The following NRTN variants were observed in gnomAD, a reference collection of about 807,000 sequenced individuals.
NRTN encodes the protein prepro-neurturin.
A neutral mutation model predicts 7.5 loss-of-function variants in NRTN; 3 were observed. That is an observed-to-expected ratio of 0.40 (90% confidence interval 0.18 to 1.03). The LOEUF (loss-of-function observed/expected upper bound fraction) is 1.03. Among genes scored for constraint, NRTN ranks in the 50% least tolerant of loss-of-function variants. The probability of loss-of-function intolerance (pLI) is 0.34; values close to 1 mark genes in which losing one functional copy is unlikely to be tolerated. For synonymous variants in NRTN, 157 were observed against 146.6 expected, an observed-to-expected ratio of 1.07 and a Z score of -0.51; for missense variants, 310 against 307.0, an observed-to-expected ratio of 1.01 and a Z score of -0.07.
At chr19:5,814,862 C>T (rs902313175) in intron 1 of NRTN, among the ~76,000 whole-genome samples, 3 of 152,252 alleles carry the variant, frequency 2.0e-5, no homozygotes, top group Non-Finnish European at 2.9e-5. Context: ...CTCCCAGCCC[C>T]TCCAGGAAGG....
intron 1 of NRTN, among the ~76,000 whole-genome samples, chr19:5,805,997 C>T (rs1342341604): frequency 3.9e-5 from 6 of 152,158 alleles, no homozygotes; most frequent in Admixed American, 1.3e-4. Context: ...GCCCTCTCGG[C>T]TCCTGGAGCA....
At chr19:5,817,311 G>A (rs1450680640) in intron 1 of NRTN, among the ~76,000 whole-genome samples, 1 of 151,734 alleles carries the variant, frequency 6.6e-6, no homozygotes. Flanking sequence ...CCGAGGTTGC[G>A]CCACTGCACT....
intron 1 of NRTN, among the ~76,000 whole-genome samples, chr19:5,817,462 AAAG>A (rs2057008577): frequency 1.6e-5 from 1 of 63,118 alleles, no homozygotes; most frequent in African/African-American, 6.4e-5. Flanking sequence ...GGAAAGAGAG[AAAG>A]AGAGGAAGGA....
chr19:5,805,088 C>T lies in NRTN; in HGVS notation c.-762C>T, dbSNP rs2056970883. The stretch of plus-strand genomic sequence containing the variant: ...GGGCGGAGGCGGCGGGAGAGCGCGC[C>T]CTGAAGCCGCTCCGAGTGCCCAGGT... On this transcript the variant is annotated 5_prime_UTR_variant, in exon 1 of 3. Transcript: ENST00000303212. Among the ~76,000 whole-genome samples the T allele has an allele frequency of 6.8e-6, 1 of 146,680 alleles. No homozygotes were observed. The highest frequency in any genetic ancestry group is 2.4e-5 in the African/African-American group (1 of 40,828).
At chr19:5,821,067 G>A (rs921580789) in intron 1 of NRTN, among the ~76,000 whole-genome samples, 4 of 152,142 alleles carry the variant, frequency 2.6e-5, no homozygotes, top group Non-Finnish European at 5.9e-5. Flanking sequence ...TCACACTTGG[G>A]TCTTAGTGCA....
chr19:5,818,294 G>T (rs2057012490), intron 1 of NRTN, among the ~76,000 whole-genome samples: 1 of 152,170 alleles, frequency 6.6e-6, no homozygotes, highest in Non-Finnish European at 1.5e-5. Flanking sequence ...ACGCAAGTGT[G>T]CTCGAGTGAG....
At chr19:5,826,772 T>C (rs957188538) in intron 2 of NRTN, among the ~76,000 whole-genome samples, 1 of 152,090 alleles carries the variant, frequency 6.6e-6, no homozygotes, top group Non-Finnish European at 1.5e-5. Flanking sequence ...GAGCCACCGC[T>C]TGGGTAATAA....
chr19:5,813,093 G>A (rs1164030003), intron 1 of NRTN, among the ~76,000 whole-genome samples: 1 of 152,174 alleles, frequency 6.6e-6, no homozygotes, highest in African/African-American at 2.4e-5. Context: ...GAAGATGGGA[G>A]GCCAGGCATG....
rs2056976474 is a variant in NRTN at position 5,806,814 on chromosome 19, C to A, written c.-399+1363C>A. ...CCTCGGCGTTTCAGGTCCCAGTTTT[C>A]AGGGAGCGAACAGAGGAGACAGCTT... On this transcript the variant is annotated intron_variant, in intron 1 of 2. Transcript: ENST00000303212. This position sits in a 1 kb window ranked among gnomAD's most constrained non-coding sequence, Gnocchi z 5.4. 6.6e-6 allele frequency among the ~76,000 whole-genome samples: 1 copy of A among 152,206 alleles called. No homozygotes were observed. Among genetic ancestry groups the A allele is most frequent in the Non-Finnish European group, 1.5e-5 (1 of 68,042 alleles).
In NRTN at chr19:5,805,240, C is replaced by A. The variant is rs1482907849; in HGVS notation, c.-610C>A. Among the ~76,000 whole-genome samples, 1 of 146,104 alleles carries A rather than the reference C, an allele frequency of 6.8e-6. No individual in the cohort carries two copies. The highest frequency in any genetic ancestry group is 2.1e-4 in the South Asian group (1 of 4,802). On this transcript the variant is annotated 5_prime_UTR_variant, in exon 1 of 3. Transcript: ENST00000303212. ...GGCACCCACCCCCAGCCCCAGCCCCCGCCGGCCCGGGATGGCCGCAGCCCG... is the reference window on the plus strand; with the variant it reads ...GGCACCCACCCCCAGCCCCAGCCCCAGCCGGCCCGGGATGGCCGCAGCCCG...
At chr19:5,818,349 G>A (rs967505794) in intron 1 of NRTN, among the ~76,000 whole-genome samples, 2 of 151,878 alleles carry the variant, frequency 1.3e-5, no homozygotes, top group Admixed American at 1.3e-4. Flanking sequence ...CAGTGTGTGA[G>A]TGTGTGAGTG....
At position 5,806,663 on chromosome 19, in the gene NRTN, A is replaced by T. The variant is rs755735133; in HGVS notation, c.-399+1212A>T. 1.3e-5 allele frequency among the ~76,000 whole-genome samples: 2 copies of T among 151,984 alleles called. No homozygotes were observed. Among genetic ancestry groups the T allele is most frequent in the Admixed American group, 6.6e-5 (1 of 15,248 alleles). ...TCATCCTAAGACTCCCGAGGTTCAT[A>T]GCTCCGGCACCGACTCCACCCCCAG... On this transcript the variant is annotated intron_variant, in intron 1 of 2. Transcript: ENST00000303212. The surrounding 1 kb of genome is among the most constrained non-coding windows in gnomAD (Gnocchi z 5.4).
At chr19:5,813,155 G>T (rs1310519890) in intron 1 of NRTN, among the ~76,000 whole-genome samples, 1 of 151,274 alleles carries the variant, frequency 6.6e-6, no homozygotes, top group Non-Finnish European at 1.5e-5. Flanking sequence ...AGGGAGGATC[G>T]CTTGAGGCCA....
intron 1 of NRTN, among the ~76,000 whole-genome samples, chr19:5,815,342 C>T (rs1250209212): frequency 6.7e-6 from 1 of 148,488 alleles, no homozygotes; most frequent in Non-Finnish European, 1.5e-5. Context: ...TGGGGTTGTT[C>T]AAGTGTGTGT....
chr19:5,816,148 G>A (rs930915031), intron 1 of NRTN, among the ~76,000 whole-genome samples: 2 of 152,002 alleles, frequency 1.3e-5, no homozygotes, highest in Non-Finnish European at 2.9e-5. Context: ...CGAACTCCCC[G>A]CCTCAGCCTC....
At chr19:5,824,430 T>TC in intron 2 of NRTN, 96 bp downstream of exon 2, 1 of 1,471,002 alleles carries the variant, frequency 6.8e-7, no homozygotes, top group Non-Finnish European at 9.2e-7. Flanking sequence ...GTCATAGGTT[T>TC]TTTAAAGATA....
intron 1 of NRTN, among the ~76,000 whole-genome samples, chr19:5,811,821 G>T (rs1016578455): frequency 6.6e-6 from 1 of 151,288 alleles, no homozygotes; most frequent in African/African-American, 2.4e-5. Context: ...AAAGTGCTGG[G>T]ATTACAGCTG....
At chr19:5,817,310 C>T (rs572454457) in intron 1 of NRTN, among the ~76,000 whole-genome samples, 15 of 151,512 alleles carry the variant, frequency 9.9e-5, no homozygotes, top group South Asian at 2.1e-4. Context: ...GCCGAGGTTG[C>T]GCCACTGCAC....
chr19:5,809,124 C>A (rs2056982488), intron 1 of NRTN, among the ~76,000 whole-genome samples: 1 of 151,682 alleles, frequency 6.6e-6, no homozygotes, highest in African/African-American at 2.4e-5. Flanking sequence ...CCCTCCTTGA[C>A]TCCCCAGTCT....
Sources: gnomAD v4.1 joint callset for allele counts (sites outside exome capture counted in the v4.1 genomes callset) on GRCh38, gnomAD v4.1.1 for gene constraint, Gnocchi (gnomAD v3.1) non-coding constraint, MANE v1.5 for transcripts, NCBI Gene and HGNC (gene_info 2026-07-23, HGNC 2026-07-21) for gene names.